The following CLMP variants were observed in gnomAD, a reference collection of about 807,000 sequenced individuals.
CLMP encodes CXADR like cell adhesion molecule.
Under a neutral mutation model 45.2 loss-of-function variants are expected in CLMP, and 27 were observed. The observed-to-expected ratio is 0.60, with a 90% CI of 0.44 to 0.82. The LOEUF (loss-of-function observed/expected upper bound fraction) is 0.82. CLMP is among the 40% of genes least tolerant of loss of function. The pLI, the probability that CLMP is intolerant of heterozygous loss-of-function variation, is 0.00. For synonymous variants in CLMP, 167 were observed against 171.4 expected (o/e 0.97, Z 0.20); for missense variants, 403 against 448.4 (o/e 0.90, Z 0.91).
intron 1 of CLMP, among the ~76,000 whole-genome samples, chr11:123,118,790 A>C (rs1860751763): frequency 6.6e-6 from 1 of 151,732 alleles, no homozygotes; most frequent in African/African-American, 2.4e-5. Context: ...CTTCCCTCAC[A>C]CCCAAATGAC....
At chr11:123,105,353 TTCCCTCCCTCCCTCCC>T (rs377721480) in intron 1 of CLMP, among the ~76,000 whole-genome samples, 45 of 104,124 alleles carry the variant, frequency 4.3e-4, no homozygotes, top group South Asian at 1.1e-3. Context: ...TTTCCTTCCC[TTCCCTCCCTCCCTCCC>T]TCCCTCCCTC....
intron 1 of CLMP, among the ~76,000 whole-genome samples, chr11:123,101,188 G>A (rs900409160): frequency 6.6e-6 from 1 of 152,058 alleles, no homozygotes; most frequent in Non-Finnish European, 1.5e-5. Context: ...AGCTCACTGC[G>A]ACCTCTGCCT....
At chr11:123,132,250 G>A (rs574609009) in intron 1 of CLMP, among the ~76,000 whole-genome samples, 8 of 152,238 alleles carry the variant, frequency 5.3e-5, no homozygotes, top group South Asian at 2.1e-4. Flanking sequence ...CAGGGCACAC[G>A]GCCGGTGAGT....
At position 123,182,286 on chromosome 11, in the gene CLMP, T is replaced by C. The variant is rs536533675; in HGVS notation, c.28+12627A>G. Among the ~76,000 whole-genome samples, 34 of 152,306 alleles carry C rather than the reference T, an allele frequency of 2.2e-4. No individual in the cohort carries two copies. In the South Asian group the frequency reaches 6.0e-3, roughly 27 times the overall value. On this transcript the variant is annotated intron_variant, in intron 1 of 6. Coordinates refer to ENST00000448775, the MANE Select transcript of CLMP (RefSeq NM_024769.5). The stretch of plus-strand genomic sequence containing the variant: ...TCCTGCGAAGAGCTGGCCAACCACT[T>C]TCTCACCTGGAGCACAGATTCCATC...
intron 4 of CLMP, 41 bp downstream of exon 4, chr11:123,083,639 C>G: frequency 6.2e-7 from 1 of 1,603,272 alleles, no homozygotes; most frequent in Non-Finnish European, 8.5e-7. Flanking sequence ...GGATAGAGGA[C>G]TATTTTGTTG....
chr11:123,131,162 T>C (rs952414757), intron 1 of CLMP, among the ~76,000 whole-genome samples: 1 of 152,106 alleles, frequency 6.6e-6, no homozygotes, highest in African/African-American at 2.4e-5. Context: ...AAATAATATC[T>C]GTCATTCCAA....
At chr11:123,186,973 A>G (rs563720716) in intron 1 of CLMP, among the ~76,000 whole-genome samples, 59 of 152,306 alleles carry the variant, frequency 3.9e-4, no homozygotes, top group African/African-American at 1.4e-3. Context: ...GACCCTCCAG[A>G]TACCCATGAA....
intron 1 of CLMP, among the ~76,000 whole-genome samples, chr11:123,152,450 G>A (rs996031258): frequency 3.3e-5 from 5 of 151,986 alleles, no homozygotes; most frequent in African/African-American, 1.2e-4. Context: ...TTGAACCCGG[G>A]AGGTAGAGGT....
intron 1 of CLMP, among the ~76,000 whole-genome samples, chr11:123,184,198 G>T (rs1486171138): frequency 2.6e-5 from 4 of 152,096 alleles, no homozygotes; most frequent in African/African-American, 9.7e-5. Context: ...GGGTTCAAGT[G>T]ATTATTCTGC....
In CLMP at chr11:123,069,924, A is replaced by G. The variant is rs1159674585; in HGVS notation, c.*3550T>C. 6.6e-6 allele frequency: 1 copy of G among 152,190 alleles called. No individual in the cohort carries two copies. The highest frequency in any genetic ancestry group is 1.5e-5 in the Non-Finnish European group (1 of 68,034). 9.4% of individuals were successfully genotyped at this position (152,190 alleles called of 1,614,324 possible). On this transcript the variant is annotated 3_prime_UTR_variant, in exon 7 of 7. Transcript: ENST00000448775. ...GCTGATACAGATGCATCCATAATAAATATTTGGTTTTTGTGATGCTGAAAC... is the reference window on the plus strand; with the variant it reads ...GCTGATACAGATGCATCCATAATAAGTATTTGGTTTTTGTGATGCTGAAAC...
intron 1 of CLMP, among the ~76,000 whole-genome samples, chr11:123,176,096 T>G (rs1238072435): frequency 6.6e-6 from 1 of 152,238 alleles, no homozygotes; most frequent in Non-Finnish European, 1.5e-5. Context: ...TAGTGTACAT[T>G]TAGCACTCAC....
chr11:123,083,740 A>G lies in CLMP; in HGVS notation c.496T>C (p.Trp166Arg), dbSNP rs767942675. The G allele has an allele frequency of 6.2e-7, 1 of 1,614,122 alleles. No individual in the cohort carries two copies. The highest frequency in any genetic ancestry group is 1.7e-5 in the Admixed American group (1 of 59,998). ...SSGTEPIVYY[W>R]QRIREKEGED... ...CCCTCTTTCTCTCGGATTCGCTGCC[A>G]GTAATACACAATGGGCTCTGTGCCA... The change falls in exon 4 of 7, where the codon TGG (tryptophan) becomes CGG (arginine). Residue 166 changes from tryptophan (W) to arginine (R), a missense_variant. Trp to Arg is a moderately radical substitution (Grantham distance 101, BLOSUM62 -3). Transcript: ENST00000448775.
chr11:123,121,649 G>A (rs1389290778), intron 1 of CLMP, among the ~76,000 whole-genome samples: 1 of 152,080 alleles, frequency 6.6e-6, no homozygotes, highest in Non-Finnish European at 1.5e-5. Flanking sequence ...GGTAATGGCT[G>A]CCAATGTTCT....
intron 1 of CLMP, among the ~76,000 whole-genome samples, chr11:123,160,019 C>A (rs991506858): frequency 6.6e-6 from 1 of 152,112 alleles, no homozygotes; most frequent in Non-Finnish European, 1.5e-5. Flanking sequence ...TGGCCCACGC[C>A]TGCAATCCCA....
chr11:123,138,932 G>A (rs115101309), intron 1 of CLMP, among the ~76,000 whole-genome samples: 3,983 of 152,190 alleles, frequency 0.026, 150 homozygotes, highest in African/African-American at 0.089. Context: ...TGGTATTACA[G>A]GGCGTGAGCC....
At position 123,155,539 on chromosome 11, in the gene CLMP, C is replaced by G. The variant is rs545055830; in HGVS notation, c.28+39374G>C. On this transcript the variant is annotated intron_variant, in intron 1 of 6. Transcript: ENST00000448775. ...ATTATTATTTTAGTGATGGAGAAAC[C>G]AGCTCAGAGGGGTTAGTTTTGCATC... Among the ~76,000 whole-genome samples, 101 of 152,290 alleles carry G rather than the reference C, an allele frequency of 6.6e-4. 1 individual carries two copies. Among genetic ancestry groups the G allele is most frequent in the African/African-American group, 2.4e-3 (99 of 41,566 alleles).
chr11:123,127,488 G>A (rs1860913559), intron 1 of CLMP, among the ~76,000 whole-genome samples: 2 of 152,020 alleles, frequency 1.3e-5, no homozygotes, highest in African/African-American at 2.4e-5. Flanking sequence ...AGGGAGGGAG[G>A]ACTAAAAGGG....
chr11:123,152,246 G>C (rs1253688918), intron 1 of CLMP, among the ~76,000 whole-genome samples: 1 of 152,004 alleles, frequency 6.6e-6, no homozygotes, highest in Non-Finnish European at 1.5e-5. Flanking sequence ...CGTGGTGGCC[G>C]GGCACGGTGG....
intron 1 of CLMP, among the ~76,000 whole-genome samples, chr11:123,171,364 G>T (rs1861629471): frequency 6.6e-6 from 1 of 152,074 alleles, no homozygotes; most frequent in Non-Finnish European, 1.5e-5. Flanking sequence ...GAGACAGCAG[G>T]CTGGAAAGGG....
Sources: allele counts gnomAD v4.1 joint callset (sites outside exome capture counted in the v4.1 genomes callset), GRCh38; gene constraint gnomAD v4.1.1; transcripts MANE v1.5; gene names NCBI Gene and HGNC (gene_info 2026-07-23, HGNC 2026-07-21).